TCOF1: variants seen among roughly 807,000 people sequenced by gnomAD.
TCOF1 encodes the protein treacle protein.
In TCOF1, 33 loss-of-function variants were observed where a neutral mutation model predicts 149.0. The ratio of observed to expected loss-of-function variants is 0.22; its 90% confidence interval spans 0.17 to 0.30. TCOF1 has a LOEUF of 0.30. Ranked by LOEUF, TCOF1 falls within the 10% of genes least tolerant of loss-of-function variation. The probability of loss-of-function intolerance (pLI) is 1.00; values close to 1 mark genes in which losing one functional copy is unlikely to be tolerated. For synonymous variants in TCOF1, 789 were observed against 738.8 expected (o/e 1.07, Z -1.10); for missense variants, 1,728 against 1,840.7 (o/e 0.94, Z 1.12).
In TCOF1 at chr5:150,372,146, C is replaced by A; in HGVS notation, c.780C>A (p.Ala260=). 6.2e-7 allele frequency: 1 copy of A among 1,614,186 alleles called. No individual in the cohort carries two copies. The highest frequency in any genetic ancestry group is 8.5e-7 in the Non-Finnish European group (1 of 1,180,034). ...PQVKGGALPP[A]KRAKKPEEES... is the part of the protein sequence containing the mutation. ...TCAAAGGAGGGGCCCTGCCCCCAGC[C>A]AAGAGGGCCAAGAAGCCAGAAGAGG... Residue 260 remains alanine (A), a synonymous_variant, in exon 7 of 27, where the codon GCC becomes GCA. Coordinates refer to ENST00000643257, the MANE Select transcript of TCOF1 (RefSeq NM_001371623.1).
At position 150,379,217 on chromosome 5, in the gene TCOF1, C is replaced by CCTGCAATT; in HGVS notation, c.2479-10_2479-3dup. ...CTTTTGCCTCCAATACTATTATCCC[C>CCTGCAATT]CTGCAATTCAGGTGAAGCCACCAGT... is the stretch of plus-strand genomic sequence containing the variant. On this transcript the variant is annotated splice_polypyrimidine_tract_variant and intron_variant, in intron 15 of 26. Coordinates refer to ENST00000643257, the MANE Select transcript of TCOF1 (RefSeq NM_001371623.1). The CCTGCAATT allele has an allele frequency of 6.2e-7, 1 of 1,614,176 alleles. No homozygotes were observed. Among genetic ancestry groups the CCTGCAATT allele is most frequent in the Non-Finnish European group, 8.5e-7 (1 of 1,180,030 alleles).
Position 150,368,742 on chromosome 5 carries a change from T to G in TCOF1, c.405T>G (p.Thr135=). Residue 135 remains threonine (T), a synonymous_variant, in exon 5 of 27, where the codon ACT becomes ACG. Coordinates refer to ENST00000643257, the MANE Select transcript of TCOF1 (RefSeq NM_001371623.1). ...CAGAGACAGAGAAAGCTGGCAAGAC[T>G]GGGAATTCCATGCCACACCCTGCCA... is the stretch of plus-strand genomic sequence containing the variant. The part of the protein sequence containing the change: ...AKAETEKAGK[T]GNSMPHPATG... The G allele has an allele frequency of 1.9e-6, 3 of 1,614,076 alleles. No individual in the cohort carries two copies. Among genetic ancestry groups the G allele is most frequent in the Non-Finnish European group, 2.5e-6 (3 of 1,180,014 alleles).
In TCOF1 at chr5:150,378,978, C is replaced by T. The variant is rs781062406; in HGVS notation, c.2414C>T (p.Thr805Ile). 2 of 1,614,132 alleles carry T rather than the reference C, an allele frequency of 1.2e-6. No individual in the cohort carries two copies. Among genetic ancestry groups the T allele is most frequent in the Non-Finnish European group, 1.7e-6 (2 of 1,180,022 alleles). ...AAARAPSAKGTISAPGKVVTA... is the reference protein window; with the variant it reads ...AAARAPSAKGIISAPGKVVTA... ...GCCAGAGCACCTTCAGCAAAAGGGA[C>T]AATTTCAGCCCCTGGAAAAGTTGTC... The change falls in exon 15 of 27, where the codon ACA (threonine) becomes ATA (isoleucine). Residue 805 changes from threonine (T) to isoleucine (I), a missense_variant. This residue lies in a region of TCOF1 where 1,696 missense variants were observed against 1,765.4 expected (regional missense o/e 0.96). Coordinates refer to ENST00000643257, the MANE Select transcript of TCOF1 (RefSeq NM_001371623.1).
intron 17 of TCOF1, chr5:150,380,662 C>T (rs1172307072): frequency 6.6e-6 from 1 of 152,212 alleles, no homozygotes; most frequent in Non-Finnish European, 1.5e-5. Flanking sequence ...CAAACTCCAG[C>T]ACTGCCAAGG....
chr5:150,385,635 C>T (rs1294838663), intron 17 of TCOF1, among the ~76,000 whole-genome samples: 1 of 152,172 alleles, frequency 6.6e-6, no homozygotes, highest in African/African-American at 2.4e-5. Context: ...GGCCATCAGC[C>T]CCCTCTCCCC....
At chr5:150,380,002 G>T in intron 17 of TCOF1, 1 of 430,306 alleles carries the variant, frequency 2.3e-6, no homozygotes, top group Non-Finnish European at 4.4e-6. Flanking sequence ...AACCTGGGAG[G>T]CGGAGGCTGC....
Position 150,386,135 on chromosome 5 carries a change from C to T in TCOF1, c.2860-1767C>T, listed in dbSNP as rs186231453. Among the ~76,000 whole-genome samples the T allele has an allele frequency of 6.5e-4, 99 of 152,300 alleles. 1 individual carries two copies. The East Asian group carries it at 0.011, about 17-fold the overall frequency. On this transcript the variant is annotated intron_variant, in intron 17 of 26. Transcript: ENST00000643257. ...TTATGAACTCTACAGGCTAATGCCC[C>T]GCCCCAACCCCCCACAGCCAAGCCC...
At chr5:150,397,153 C>CAAAAAAAAAAA (rs58246300) in intron 24 of TCOF1, among the ~76,000 whole-genome samples, 5 of 88,712 alleles carry the variant, frequency 5.6e-5, no homozygotes, top group African/African-American at 2.3e-4. Context: ...GCAAGACTGT[C>CAAAAAAAAAAA]AAAAAAAAAA....
chr5:150,387,734 T>C (rs1486680716), intron 17 of TCOF1, among the ~76,000 whole-genome samples, 168 bp from the exon 18 acceptor site: 3 of 152,118 alleles, frequency 2.0e-5, no homozygotes, highest in Admixed American at 6.5e-5. Context: ...TCTTAGCAGA[T>C]GTGTGGGGTG....
chr5:150,389,984 G>T lies in TCOF1; in HGVS notation c.3144G>T (p.Arg1048=). 3 of 1,613,768 alleles carry T rather than the reference G, an allele frequency of 1.9e-6. No homozygotes were observed. The Middle Eastern group carries it at 5.0e-4, about 266-fold the overall frequency. Residue 1048 remains arginine (R), a synonymous_variant, in exon 19 of 27, where the codon CGG becomes CGT. Transcript: ENST00000643257. ...AGASSSKESS[R]ISDGKKQEGP... ...CCAGCAGCAGCAAGGAGTCCAGTCG[G>T]ATATCAGATGGCAAGAAACAGGAGG...
At chr5:150,379,089 G>C (rs762108379) in intron 15 of TCOF1, 47 bp downstream of exon 15, 4 of 1,613,752 alleles carry the variant, frequency 2.5e-6, no homozygotes, top group African/African-American at 1.3e-5. Context: ...TTGGGGTAGA[G>C]AGGAGGACCA....
At chr5:150,358,673 C>T (rs1197619734) in intron 1 of TCOF1, among the ~76,000 whole-genome samples, 1 of 152,012 alleles carries the variant, frequency 6.6e-6, no homozygotes, top group African/African-American at 2.4e-5. Context: ...ACCGTTTCTA[C>T]TAAAAATACA....
chr5:150,362,654 G>A (rs1217007385), intron 2 of TCOF1, among the ~76,000 whole-genome samples: 3 of 152,176 alleles, frequency 2.0e-5, no homozygotes, highest in African/African-American at 7.2e-5. Flanking sequence ...AAATGGTGTG[G>A]AAGGGATTAC....
At chr5:150,365,989 C>T (rs1761257946) in intron 3 of TCOF1, among the ~76,000 whole-genome samples, 3 of 151,518 alleles carry the variant, frequency 2.0e-5, no homozygotes, top group South Asian at 2.1e-4. Context: ...GGCATGGTGG[C>T]GTGTGCTTGT....
intron 17 of TCOF1, among the ~76,000 whole-genome samples, chr5:150,385,767 G>A (rs932477789): frequency 1.3e-5 from 2 of 152,182 alleles, no homozygotes; most frequent in Admixed American, 6.5e-5. Flanking sequence ...ACAGGTAGGA[G>A]GGGTATCCCA....
At chr5:150,393,053 A>G in intron 22 of TCOF1, 1 of 594,466 alleles carries the variant, frequency 1.7e-6, no homozygotes, top group Admixed American at 3.0e-5. Context: ...TGATGTCCGG[A>G]CAAAAACATT....
Position 150,392,174 on chromosome 5 carries a change from TGG to T in TCOF1, c.3517_3517+1del. ...CAGGGGGCCAAGTCAGCCCACACGC[TGG>T]GTGAGGGTGCCAGGGGAAAGGCAAG... On this transcript the variant is annotated frameshift_variant and splice_region_variant, in exon 21 of 27. Transcript: ENST00000643257. LOFTEE classifies it high-confidence loss of function. The T allele has an allele frequency of 3.7e-6, 6 of 1,613,302 alleles. No individual in the cohort carries two copies. The highest frequency in any genetic ancestry group is 5.1e-6 in the Non-Finnish European group (6 of 1,179,442).
chr5:150,385,597 C>T (rs1266161034), intron 17 of TCOF1, among the ~76,000 whole-genome samples: 2 of 152,196 alleles, frequency 1.3e-5, no homozygotes, highest in Non-Finnish European at 2.9e-5. Flanking sequence ...CCTTTGTGGT[C>T]ATGTCCCTTG....
At chr5:150,384,439 A>G (rs1765853709) in intron 17 of TCOF1, 1 of 985,334 alleles carries the variant, frequency 1.0e-6, no homozygotes, top group African/African-American at 1.7e-5. Context: ...CAGGCCATTC[A>G]CATTCTGACC....
Sources: allele counts gnomAD v4.1 joint callset (sites outside exome capture counted in the v4.1 genomes callset), GRCh38; gene constraint gnomAD v4.1.1; regional missense constraint gnomAD v4.1.1; transcripts MANE v1.5; gene names NCBI Gene and HGNC (gene_info 2026-07-23, HGNC 2026-07-21).